TP53INP1: variants seen among roughly 807,000 people sequenced by gnomAD.
TP53INP1 encodes tumor protein p53-inducible nuclear protein 1.
TP53INP1 carries 12 observed loss-of-function variants against 21.0 expected under a neutral mutation model. The observed-to-expected ratio is 0.57, with a 90% CI of 0.37 to 0.93. The LOEUF (loss-of-function observed/expected upper bound fraction) is 0.93, where lower values mean the gene tolerates loss of function less well. Among genes scored for constraint, TP53INP1 ranks in the 40% least tolerant of loss-of-function variants. TP53INP1 has a pLI of 0.01. For missense variants in TP53INP1, 274 were observed against 294.7 expected (o/e 0.93, Z 0.51); for synonymous variants, 91 against 94.8 (o/e 0.96, Z 0.23).
At chr8:94,931,579 ATATT>A (rs897770077) in intron 3 of TP53INP1, among the ~76,000 whole-genome samples, 17 of 101,992 alleles carry the variant, frequency 1.7e-4, no homozygotes, top group African/African-American at 5.7e-4. Context: ...GGAAACACAC[ATATT>A]TATTACACAC....
intron 1 of TP53INP1, among the ~76,000 whole-genome samples, chr8:94,942,988 T>G (rs1346044540): frequency 1.3e-5 from 2 of 152,124 alleles, no homozygotes; most frequent in African/African-American, 4.8e-5. Context: ...GAGAGGATGG[T>G]GGAACCATTT....
intron 1 of TP53INP1, among the ~76,000 whole-genome samples, chr8:94,943,212 G>A (rs1198112362): frequency 6.6e-6 from 1 of 152,200 alleles, no homozygotes; most frequent in Non-Finnish European, 1.5e-5. Flanking sequence ...GATGAGGCTA[G>A]GTGTGGAGGC....
intron 3 of TP53INP1, among the ~76,000 whole-genome samples, chr8:94,935,541 A>G (rs1267347612): frequency 6.6e-6 from 1 of 152,240 alleles, no homozygotes; most frequent in Non-Finnish European, 1.5e-5. Flanking sequence ...AGACAGATTG[A>G]TTAATCAAGA....
rs1206575857 is a variant in TP53INP1 at position 94,941,047 on chromosome 8, G to A, written c.-106C>T. The A allele has an allele frequency of 3.9e-6, 3 of 760,212 alleles. No individual in the cohort carries two copies. Among genetic ancestry groups the A allele is most frequent in the Admixed American group, 2.6e-5 (1 of 38,540 alleles). 47.1% of individuals were successfully genotyped at this position (760,212 alleles called of 1,614,324 possible). On this transcript the variant is annotated 5_prime_UTR_variant, in exon 2 of 4. Transcript: ENST00000342697. Reference sequence around the variant, plus strand: ...TACCGACAGGAGATTAAAGTGCACAGGGTGCTTATTCAACTTAGGTGAAAA... The same window carrying A: ...TACCGACAGGAGATTAAAGTGCACAAGGTGCTTATTCAACTTAGGTGAAAA...
Position 94,936,166 on chromosome 8 carries a change from C to G in TP53INP1, c.473+3694G>C, listed in dbSNP as rs564009435. ...GCCACAGGACATTAATTGAAGCTACCCCTAGGATTGAAGGACATAAAATGA... is the reference window on the plus strand; with the variant it reads ...GCCACAGGACATTAATTGAAGCTACGCCTAGGATTGAAGGACATAAAATGA... On this transcript the variant is annotated intron_variant, in intron 3 of 3. Transcript: ENST00000342697. 9.2e-4 allele frequency among the ~76,000 whole-genome samples: 140 copies of G among 152,240 alleles called. 1 individual carries two copies. Among genetic ancestry groups the G allele is most frequent in the Non-Finnish European group, 1.3e-3 (86 of 68,016 alleles).
chr8:94,946,769 T>A (rs900195410), intron 1 of TP53INP1, among the ~76,000 whole-genome samples: 8 of 149,398 alleles, frequency 5.4e-5, no homozygotes, highest in Non-Finnish European at 8.9e-5. Context: ...GCAACCTATG[T>A]GAATTCAGGA....
At chr8:94,934,871 G>C (rs1194469879) in intron 3 of TP53INP1, among the ~76,000 whole-genome samples, 1 of 152,160 alleles carries the variant, frequency 6.6e-6, no homozygotes, top group East Asian at 1.9e-4. Flanking sequence ...TAAAGTGCCA[G>C]TTAAAGTAAC....
chr8:94,930,287 T>C lies in TP53INP1; in HGVS notation c.*192A>G. The C allele has an allele frequency of 4.4e-6, 3 of 677,174 alleles. No homozygotes were observed. Among genetic ancestry groups the C allele is most frequent in the Non-Finnish European group, 7.1e-6 (3 of 423,254 alleles). The allele number at this position is 677,174 out of a possible 1,614,324, so 41.9% of individuals were successfully genotyped here. A position where few individuals can be genotyped will look rare whatever the true frequency, so the allele number is the denominator to read the frequency against. On this transcript the variant is annotated 3_prime_UTR_variant, in exon 4 of 4. Transcript: ENST00000342697. ...TGAAAAAGTGTACAAAAAAAGTAAA[T>C]GTTAAAGGCAAGGCATTATGTGATA...
chr8:94,934,546 T>G (rs1043397501), intron 3 of TP53INP1, among the ~76,000 whole-genome samples: 2 of 151,868 alleles, frequency 1.3e-5, no homozygotes, highest in African/African-American at 4.8e-5. Flanking sequence ...CCAGCAAGCC[T>G]GGCTAATTTT....
intron 3 of TP53INP1, among the ~76,000 whole-genome samples, chr8:94,932,784 A>C (rs1586699030): frequency 6.6e-6 from 1 of 151,454 alleles, no homozygotes; most frequent in African/African-American, 2.4e-5. Context: ...GCCTGGGCGA[A>C]GGAGCGAGAC....
In TP53INP1 at chr8:94,927,199, C is replaced by G. The variant is rs1265456565; in HGVS notation, c.*3280G>C. The G allele has an allele frequency of 6.6e-6, 1 of 152,468 alleles. No homozygotes were observed. The highest frequency in any genetic ancestry group is 2.4e-5 in the African/African-American group (1 of 41,380). 9.4% of individuals were successfully genotyped at this position (152,468 alleles called of 1,614,324 possible). On this transcript the variant is annotated 3_prime_UTR_variant, in exon 4 of 4. Coordinates refer to ENST00000342697, the MANE Select transcript of TP53INP1 (RefSeq NM_033285.4). ...GTCCTTCATGTTTTTGTTTCCAACT[C>G]AGAGAAAATGAGAATAATGAAGATA...
Position 94,930,184 on chromosome 8 carries a change from C to T in TP53INP1, c.*295G>A. 1 of 289,860 alleles carries T rather than the reference C, an allele frequency of 3.4e-6. No individual in the cohort carries two copies. Among genetic ancestry groups the T allele is most frequent in the East Asian group, 6.5e-5 (1 of 15,332 alleles). The allele number at this position is 289,860 out of a possible 1,614,324, so 18.0% of individuals were successfully genotyped here. A position where few individuals can be genotyped will look rare whatever the true frequency, so the allele number is the denominator to read the frequency against. On this transcript the variant is annotated 3_prime_UTR_variant, in exon 4 of 4. Transcript: ENST00000342697. ...CTTGGGAAGAAATGTCTTTAAAATG[C>T]TGACTAATGTATAACCTAATATATT... is the stretch of plus-strand genomic sequence containing the variant.
In TP53INP1 at chr8:94,939,878, T is replaced by C. The variant is rs1221090733; in HGVS notation, c.455A>G (p.His152Arg). Residue 152 changes from histidine (H) to arginine (R), a missense_variant, in exon 3 of 4, where the codon CAT (histidine) becomes CGT (arginine). Physicochemically the swap from His to Arg is conservative, Grantham distance 29 (BLOSUM62 0). Transcript: ENST00000342697. ...SEATRGTDEL[H>R]SPSSPRVEAQ... The stretch of plus-strand genomic sequence containing the variant: ...AACGTACCTGGGACTACTTGGGCTA[T>C]GTAATTCATCAGTCCCACGGGTGGC... The C allele has an allele frequency of 6.2e-7, 1 of 1,613,290 alleles. No individual in the cohort carries two copies. Among genetic ancestry groups the C allele is most frequent in the Admixed American group, 1.7e-5 (1 of 59,996 alleles).
chr8:94,946,768 G>A (rs1040342052), intron 1 of TP53INP1, among the ~76,000 whole-genome samples: 8 of 145,066 alleles, frequency 5.5e-5, no homozygotes, highest in Non-Finnish European at 9.0e-5. Context: ...TGCAACCTAT[G>A]TGAATTCAGG....
Position 94,927,976 on chromosome 8 carries a change from C to T in TP53INP1, c.*2503G>A, listed in dbSNP as rs1563717004. On this transcript the variant is annotated 3_prime_UTR_variant, in exon 4 of 4. Transcript: ENST00000342697. ...CAGAGAATACTTAACAGGTCAACAT[C>T]GTTCTGTGTTGTGGTTGGCCTTGTG... is the stretch of plus-strand genomic sequence containing the variant. The T allele has an allele frequency of 6.6e-6, 1 of 151,640 alleles. No homozygotes were observed. The highest frequency in any genetic ancestry group is 1.5e-5 in the Non-Finnish European group (1 of 67,820). 9.4% of individuals were successfully genotyped at this position (151,640 alleles called of 1,614,324 possible). A position where few individuals can be genotyped will look rare whatever the true frequency, so the allele number is the denominator to read the frequency against.
At chr8:94,935,756 C>T (rs1820919761) in intron 3 of TP53INP1, among the ~76,000 whole-genome samples, 1 of 152,078 alleles carries the variant, frequency 6.6e-6, no homozygotes, top group African/African-American at 2.4e-5. Flanking sequence ...CATAAAAATG[C>T]AAGGGTTGAT....
chr8:94,935,746 C>G (rs564329478), intron 3 of TP53INP1, among the ~76,000 whole-genome samples: 18 of 152,224 alleles, frequency 1.2e-4, no homozygotes, highest in African/African-American at 4.1e-4. Context: ...GATTGGAGAA[C>G]ATAAAAATGC....
Position 94,930,651 on chromosome 8 carries a change from T to G in TP53INP1, c.551A>C (p.Glu184Ala). 3 of 1,614,210 alleles carry G rather than the reference T, an allele frequency of 1.9e-6. No individual in the cohort carries two copies. Among genetic ancestry groups the G allele is most frequent in the Non-Finnish European group, 2.5e-6 (3 of 1,180,046 alleles). Residue 184 changes from glutamate (E) to alanine (A), a missense_variant, in exon 4 of 4, where the codon GAA becomes GCA. Glu to Ala is a moderately radical substitution (Grantham distance 107, BLOSUM62 -1). Coordinates refer to ENST00000342697, the MANE Select transcript of TP53INP1 (RefSeq NM_033285.4). Reference sequence around the variant, plus strand: ...GGAAGGGCGAAAGCTCTTGGGTTGTTCCAGAAAAGTTGTATGAGCAGCAAG... The same window carrying G: ...GGAAGGGCGAAAGCTCTTGGGTTGTGCCAGAAAAGTTGTATGAGCAGCAAG... Reference protein sequence around the residue: ...AALAAHTTFLEQPKSFRPSQW... With the variant: ...AALAAHTTFLAQPKSFRPSQW...
intron 1 of TP53INP1, among the ~76,000 whole-genome samples, chr8:94,941,519 C>A (rs905955132): frequency 2.0e-5 from 3 of 152,356 alleles, no homozygotes; most frequent in Non-Finnish European, 2.9e-5. Context: ...CTCATTTTCT[C>A]TTCTACTCTG....
Sources: allele counts gnomAD v4.1 joint callset (sites outside exome capture counted in the v4.1 genomes callset), GRCh38; gene constraint gnomAD v4.1.1; transcripts MANE v1.5; gene names NCBI Gene and HGNC (gene_info 2026-07-23, HGNC 2026-07-21).